The following TENM3 variants were observed in gnomAD, a reference collection of about 807,000 sequenced individuals.
TENM3 encodes teneurin-3.
A neutral mutation model predicts 255.1 loss-of-function variants in TENM3; 63 were observed. The ratio of observed to expected loss-of-function variants is 0.25; its 90% CI spans 0.20 to 0.30. TENM3 has a LOEUF of 0.30. Ranked by LOEUF, TENM3 falls within the 10% of genes least tolerant of loss-of-function variation. The probability of loss-of-function intolerance (pLI) is 1.00; values close to 1 mark genes in which losing one functional copy is unlikely to be tolerated. For synonymous variants in TENM3, 1,306 were observed against 1,322.3 expected (o/e 0.99, Z 0.27); for missense variants, 2,929 against 3,461.1 (o/e 0.85, Z 3.86).
chr4:181,668,305 A>C, the TENM3 span, among the ~76,000 whole-genome samples: 1 of 152,208 alleles, frequency 6.6e-6, no homozygotes, highest in Non-Finnish European at 1.5e-5. Context: ...CTACTGATCT[A>C]AAATTGAATC....
the TENM3 span, among the ~76,000 whole-genome samples, chr4:182,099,560 A>G: frequency 2.0e-5 from 3 of 152,260 alleles, no homozygotes; most frequent in East Asian, 5.8e-4. Context: ...TGTTGAGCCT[A>G]TAGGAAATTC....
chr4:181,745,421 C>T, the TENM3 span, among the ~76,000 whole-genome samples: 1 of 151,996 alleles, frequency 6.6e-6, no homozygotes, highest in Admixed American at 6.6e-5. Flanking sequence ...AGGGAGAAAG[C>T]GTTTTTTAAA....
At chr4:182,247,819 A>C (rs1397213780) in intron 1 of TENM3, among the ~76,000 whole-genome samples, 1 of 152,218 alleles carries the variant, frequency 6.6e-6, no homozygotes, top group Non-Finnish European at 1.5e-5. Flanking sequence ...TTTATTGGGA[A>C]AAATAAAGAA....
chr4:181,485,484 T>TTTA, the TENM3 span, among the ~76,000 whole-genome samples: 1 of 148,860 alleles, frequency 6.7e-6, no homozygotes, highest in African/African-American at 2.6e-5. Flanking sequence ...GAAGAAGATT[T>TTTA]TTTTTAAAAA....
the TENM3 span, among the ~76,000 whole-genome samples, chr4:181,599,405 A>G: frequency 1.3e-5 from 2 of 152,232 alleles, no homozygotes; most frequent in Non-Finnish European, 2.9e-5. Context: ...GGGCAAACAG[A>G]GAAACATTCT....
chr4:181,858,519 A>G, the TENM3 span, among the ~76,000 whole-genome samples: 1 of 152,206 alleles, frequency 6.6e-6, no homozygotes, highest in Non-Finnish European at 1.5e-5. Flanking sequence ...TGGGCTAAAA[A>G]TGGTAGGAGA....
At chr4:181,525,215 A>G in the TENM3 span, among the ~76,000 whole-genome samples, 3 of 152,130 alleles carry the variant, frequency 2.0e-5, no homozygotes, top group Non-Finnish European at 4.4e-5. Context: ...GTTCCAGATC[A>G]GCTCAGCCAA....
the TENM3 span, among the ~76,000 whole-genome samples, chr4:182,089,564 T>G: frequency 1.3e-5 from 2 of 152,172 alleles, no homozygotes; most frequent in African/African-American, 4.8e-5. Flanking sequence ...TAGTGAGGAT[T>G]TATTGATTTT....
the TENM3 span, among the ~76,000 whole-genome samples, chr4:181,550,614 A>G: frequency 6.6e-6 from 1 of 152,228 alleles, no homozygotes; most frequent in Non-Finnish European, 1.5e-5. Context: ...AATGACTGGC[A>G]TTAAAAATAT....
the TENM3 span, among the ~76,000 whole-genome samples, chr4:181,962,536 T>A: frequency 6.6e-6 from 1 of 152,186 alleles, no homozygotes; most frequent in Non-Finnish European, 1.5e-5. Context: ...GGAATTTGGT[T>A]TGGATGAAAC....
At chr4:182,537,242 G>A (rs1740425445) in intron 3 of TENM3, among the ~76,000 whole-genome samples, 1 of 151,984 alleles carries the variant, frequency 6.6e-6, no homozygotes, top group African/African-American at 2.4e-5. Context: ...TGTCATTGGT[G>A]GTTTCTTGAC....
chr4:181,595,444 A>AAAAAAAAAAAAAAC, the TENM3 span, among the ~76,000 whole-genome samples: 1 of 129,530 alleles, frequency 7.7e-6, no homozygotes, highest in African/African-American at 2.9e-5. Context: ...AAAAAAAAAA[A>AAAAAAAAAAAAAAC]AAAAAAAAAA....
chr4:181,772,292 T>G, the TENM3 span, among the ~76,000 whole-genome samples: 1 of 151,886 alleles, frequency 6.6e-6, no homozygotes, highest in East Asian at 1.9e-4. Flanking sequence ...GCGGGAGAAT[T>G]GCTTGAACCC....
chr4:181,525,309 A>G, the TENM3 span, among the ~76,000 whole-genome samples: 1 of 151,426 alleles, frequency 6.6e-6, no homozygotes, highest in African/African-American at 2.4e-5. Flanking sequence ...ATGCTGGAGA[A>G]TCATTTGAAC....
At chr4:182,108,785 G>A in the TENM3 span, among the ~76,000 whole-genome samples, 1 of 151,994 alleles carries the variant, frequency 6.6e-6, no homozygotes, top group Non-Finnish European at 1.5e-5. Context: ...TCCCCCTTAG[G>A]GTTCCTTGAA....
chr4:182,120,088 C>T, the TENM3 span, among the ~76,000 whole-genome samples: 20 of 3,298 alleles, frequency 6.1e-3, no homozygotes, highest in Non-Finnish European at 0.015. Flanking sequence ...CACATGCGTG[C>T]GTGCGCGCAC....
the TENM3 span, among the ~76,000 whole-genome samples, chr4:181,577,607 C>T: frequency 3.4e-4 from 52 of 152,296 alleles, no homozygotes; most frequent in Middle Eastern, 0.01. Context: ...TCCCTATACA[C>T]TTTGCTCTAA....
intron 22 of TENM3, among the ~76,000 whole-genome samples, chr4:182,766,056 C>CTT (rs945748892): frequency 4.3e-4 from 65 of 152,250 alleles, no homozygotes; most frequent in African/African-American, 1.5e-3. Context: ...TTTTAAAAAT[C>CTT]TTTCCCACTT....
At chr4:182,039,612 G>A in the TENM3 span, among the ~76,000 whole-genome samples, 1 of 152,054 alleles carries the variant, frequency 6.6e-6, no homozygotes, top group Non-Finnish European at 1.5e-5. Context: ...TAACATATCT[G>A]TAGTGATAGA....
Sources: gnomAD v4.1 joint callset for allele counts (sites outside exome capture counted in the v4.1 genomes callset) on GRCh38, gnomAD v4.1.1 for gene constraint, MANE v1.5 for transcripts, NCBI Gene and HGNC (gene_info 2026-07-23, HGNC 2026-07-21) for gene names.